The following CRAMP1 variants were observed in gnomAD, a reference collection of about 807,000 sequenced individuals.
CRAMP1 encodes cramped chromatin regulator 1, also known as protein cramped-like.
A neutral mutation model predicts 115.4 loss-of-function variants in CRAMP1; 50 were observed. The observed-to-expected ratio is 0.43, with a 90% CI of 0.35 to 0.55. The LOEUF is 0.55. Ranked by LOEUF, CRAMP1 falls within the 20% of genes least tolerant of loss-of-function variation. The pLI, the probability that CRAMP1 is intolerant of heterozygous loss-of-function variation, is 0.01. For synonymous variants in CRAMP1, 866 were observed against 745.4 expected (o/e 1.16, Z -2.64); for missense variants, 1,679 against 1,721.7 (o/e 0.98, Z 0.44).
At chr16:1,662,923 T>C in intron 13 of CRAMP1, 88 bp downstream of exon 13, 1 of 1,060,126 alleles carries the variant, frequency 9.4e-7, no homozygotes, top group Non-Finnish European at 1.4e-6. Flanking sequence ...ATTTTCATGG[T>C]GTAAAATGTG....
At position 1,656,132 on chromosome 16, in the gene CRAMP1, G is replaced by A; in HGVS notation, c.1375G>A (p.Gly459Ser). The A allele has an allele frequency of 1.2e-6, 2 of 1,608,678 alleles. No individual in the cohort carries two copies. The highest frequency in any genetic ancestry group is 1.1e-5 in the South Asian group (1 of 90,792). ...CCAGAGTGGGCAGGGCACGGCCCGG[G>A]GCCAGGTGAAATGCCCGCGGAGCGG... ...GIQSGQGTAR[G>S]QVKCPRSGAE... Residue 459 changes from glycine to serine, a missense_variant, in exon 10 of 21, where the codon GGC (glycine) becomes AGC (serine). By Grantham distance (56) the Gly-to-Ser change is moderately conservative (BLOSUM62 0). Coordinates refer to ENST00000397412, the MANE Select transcript of CRAMP1 (RefSeq NM_020825.4). This position sits in a 1 kb window ranked among gnomAD's most constrained non-coding sequence, Gnocchi z 5.6.
At chr16:1,639,992 G>A (rs1022862655) in intron 5 of CRAMP1, among the ~76,000 whole-genome samples, 3 of 152,150 alleles carry the variant, frequency 2.0e-5, no homozygotes, top group Non-Finnish European at 4.4e-5. Flanking sequence ...CCCTTCATCC[G>A]GGAGCAGGAG....
rs572100573 is a variant in CRAMP1 at position 1,669,260 on chromosome 16, T to C, written c.3499+95T>C. 6.3e-5 allele frequency: 62 copies of C among 979,126 alleles called. No homozygotes were observed. The African/African-American group carries it at 9.7e-4, about 15-fold the overall frequency. The allele number at this position is 979,126 out of a possible 1,614,324, so 60.7% of individuals were successfully genotyped here. On this transcript the variant is annotated intron_variant, in intron 19 of 20. Transcript: ENST00000397412. The surrounding 1 kb of genome is among the most constrained non-coding windows in gnomAD (Gnocchi z 4.6). ...ATTCTCATTCTACTCAAACTCCCAC[T>C]AGGACTGTTGGCTTGTTCGCTTCTC...
chr16:1,642,201 C>T (rs1225977044), intron 6 of CRAMP1, among the ~76,000 whole-genome samples: 1 of 152,200 alleles, frequency 6.6e-6, no homozygotes, highest in Non-Finnish European at 1.5e-5. Context: ...CTCTTCCGTC[C>T]ATAGCACTTC....
At chr16:1,645,934 C>T (rs2036670784) in intron 6 of CRAMP1, among the ~76,000 whole-genome samples, 1 of 152,104 alleles carries the variant, frequency 6.6e-6, no homozygotes, top group South Asian at 2.1e-4. Flanking sequence ...CCCTTCTGTC[C>T]CTCCCCCACA....
chr16:1,672,119 A>T lies in CRAMP1; in HGVS notation c.3645+1310A>T, dbSNP rs2036927967. Among the ~76,000 whole-genome samples, 1 of 152,188 alleles carries T rather than the reference A, an allele frequency of 6.6e-6. No homozygotes were observed. The highest frequency in any genetic ancestry group is 6.5e-5 in the Admixed American group (1 of 15,278). On this transcript the variant is annotated intron_variant, in intron 20 of 20. Coordinates refer to ENST00000397412, the MANE Select transcript of CRAMP1 (RefSeq NM_020825.4). The surrounding 1 kb of genome is among the most constrained non-coding windows in gnomAD (Gnocchi z 4.9). ...AGCATGCTCACGCCATGCTGTTGAA[A>T]GGACGGGCCACAGCCCAGTGACAGG...
chr16:1,628,201 T>C (rs1217427936), intron 3 of CRAMP1, among the ~76,000 whole-genome samples: 1 of 152,204 alleles, frequency 6.6e-6, no homozygotes, highest in Non-Finnish European at 1.5e-5. Context: ...CTGCTGTGGG[T>C]TCTCTGTATC....
chr16:1,627,976 CAGG>C (rs988103753), intron 3 of CRAMP1, among the ~76,000 whole-genome samples: 3 of 152,152 alleles, frequency 2.0e-5, no homozygotes, highest in African/African-American at 7.2e-5. Context: ...TGCCTGGGAG[CAGG>C]AGATGTGGTT....
At position 1,676,586 on chromosome 16, in the gene CRAMP1, C is replaced by T. The variant is rs2036970481; in HGVS notation, c.*2541C>T. ...TCGTCTAAGTATGAGCCTGTGGCTT[C>T]CTTTGTGCATTTGAGCATGCTGTAA... On this transcript the variant is annotated 3_prime_UTR_variant, in exon 21 of 21. Coordinates refer to ENST00000397412, the MANE Select transcript of CRAMP1 (RefSeq NM_020825.4). 1 of 152,218 alleles carries T rather than the reference C, an allele frequency of 6.6e-6. No homozygotes were observed. Among genetic ancestry groups the T allele is most frequent in the Non-Finnish European group, 1.5e-5 (1 of 68,030 alleles). The allele number at this position is 152,218 out of a possible 1,614,324, so 9.4% of individuals were successfully genotyped here.
chr16:1,656,563 T>C lies in CRAMP1; in HGVS notation c.1806T>C (p.Pro602=), dbSNP rs1195856662. The change falls in exon 10 of 21, where the codon CCT becomes CCC. Residue 602 remains proline (P), a synonymous_variant. Coordinates refer to ENST00000397412, the MANE Select transcript of CRAMP1 (RefSeq NM_020825.4). This position sits in a 1 kb window ranked among gnomAD's most constrained non-coding sequence, Gnocchi z 5.6. ...CGGCCTCCCCAGAGGTGCTGGCTCC[T>C]GTCAGCAAGGAGGCTGCTGACCTTG... The part of the protein sequence containing the change: ...GGAASPEVLA[P]VSKEAADLAP... 1.9e-6 allele frequency: 3 copies of C among 1,557,250 alleles called. No homozygotes were observed. The highest frequency in any genetic ancestry group is 8.7e-7 in the Non-Finnish European group (1 of 1,150,808).
At chr16:1,622,981 G>T (rs1165856081) in intron 2 of CRAMP1, among the ~76,000 whole-genome samples, 2 of 151,836 alleles carry the variant, frequency 1.3e-5, no homozygotes, top group Non-Finnish European at 2.9e-5. Context: ...GACTGATCTC[G>T]AATTCCTGAC....
intron 2 of CRAMP1, among the ~76,000 whole-genome samples, chr16:1,616,073 G>C (rs1415190655): frequency 6.6e-6 from 1 of 152,214 alleles, no homozygotes; most frequent in Non-Finnish European, 1.5e-5. Context: ...CATTGGTAAA[G>C]AATTCTGATA....
chr16:1,624,240 C>T (rs989963843), intron 2 of CRAMP1, among the ~76,000 whole-genome samples: 4 of 152,044 alleles, frequency 2.6e-5, no homozygotes, highest in Non-Finnish European at 4.4e-5. Flanking sequence ...GCAACCTCCA[C>T]CTCCAAATTT....
intron 6 of CRAMP1, 89 bp downstream of exon 6, chr16:1,641,276 G>A: frequency 1.0e-6 from 1 of 966,696 alleles, no homozygotes; most frequent in Non-Finnish European, 1.7e-6. Flanking sequence ...CTCTCAGTGA[G>A]GACCTTCCGA....
At chr16:1,673,800 T>C in intron 20 of CRAMP1, 81 bp from the exon 21 acceptor site, 1 of 1,341,548 alleles carries the variant, frequency 7.5e-7, no homozygotes, top group Non-Finnish European at 1.1e-6. Context: ...TAGGAGCTTC[T>C]CGTCCTGTTT....
In CRAMP1 at chr16:1,666,261, C is replaced by T; in HGVS notation, c.2857+84C>T. The T allele has an allele frequency of 8.2e-7, 1 of 1,217,802 alleles. No individual in the cohort carries two copies. The highest frequency in any genetic ancestry group is 2.5e-5 in the East Asian group (1 of 39,298). The allele number at this position is 1,217,802 out of a possible 1,614,324, so 75.4% of individuals were successfully genotyped here. Reference sequence around the variant, plus strand: ...GACCAGGTTTTTTGAATGTTTTCTTCTCCAAATCATAATGTCTCATTACCC... The same window carrying T: ...GACCAGGTTTTTTGAATGTTTTCTTTTCCAAATCATAATGTCTCATTACCC... On this transcript the variant is annotated intron_variant, in intron 15 of 20. Transcript: ENST00000397412. This position sits in a 1 kb window ranked among gnomAD's most constrained non-coding sequence, Gnocchi z 5.0.
At chr16:1,636,364 T>C (rs1386359790) in intron 4 of CRAMP1, among the ~76,000 whole-genome samples, 3 of 149,924 alleles carry the variant, frequency 2.0e-5, no homozygotes, top group African/African-American at 4.9e-5. Flanking sequence ...AGAGCGAAAC[T>C]CTGTCTCAAA....
rs1327617558 is a variant in CRAMP1, at chr16:1,676,509, A to C, written c.*2464A>C. 6.6e-6 allele frequency: 1 copy of C among 150,630 alleles called. No homozygotes were observed. Among genetic ancestry groups the C allele is most frequent in the Non-Finnish European group, 1.5e-5 (1 of 67,658 alleles). The allele number at this position is 150,630 out of a possible 1,614,324, so 9.3% of individuals were successfully genotyped here. A position where few individuals can be genotyped will look rare whatever the true frequency, so the allele number is the denominator to read the frequency against. On this transcript the variant is annotated 3_prime_UTR_variant, in exon 21 of 21. Coordinates refer to ENST00000397412, the MANE Select transcript of CRAMP1 (RefSeq NM_020825.4). ...ACTGTTAAAGGCTGGAATTTTCAAA[A>C]GATCCAAACAGAGACTTCCTGCATC...
chr16:1,674,444 C>G lies in CRAMP1; in HGVS notation c.*399C>G, dbSNP rs1409230537. ...GTGCACTAGGAGCTGTGATCTCCCT[C>G]TCTGCAGGGAGGCCCCAGCCCCTGC... On this transcript the variant is annotated 3_prime_UTR_variant, in exon 21 of 21. Transcript: ENST00000397412. 1 of 212,606 alleles carries G rather than the reference C, an allele frequency of 4.7e-6. No homozygotes were observed. Among genetic ancestry groups the G allele is most frequent in the Non-Finnish European group, 9.5e-6 (1 of 104,746 alleles). 13.2% of individuals were successfully genotyped at this position (212,606 alleles called of 1,614,324 possible).
Sources: allele counts gnomAD v4.1 joint callset (sites outside exome capture counted in the v4.1 genomes callset), GRCh38; gene constraint gnomAD v4.1.1; non-coding constraint Gnocchi (gnomAD v3.1); transcripts MANE v1.5; gene names NCBI Gene and HGNC (gene_info 2026-07-23, HGNC 2026-07-21).